The following THSD7B variants were observed in gnomAD, a reference collection of about 807,000 sequenced individuals.
The protein encoded by THSD7B is thrombospondin type 1 domain containing 7B, also known as thrombospondin type-1 domain-containing protein 7B.
In THSD7B, 138 loss-of-function variants were observed where a neutral mutation model predicts 213.6. The observed-to-expected ratio is 0.65, with a 90% CI of 0.56 to 0.74. The LOEUF (loss-of-function observed/expected upper bound fraction) is 0.74. THSD7B is among the 30% of genes least tolerant of loss of function. The probability of loss-of-function intolerance (pLI) is 0.00; values close to 1 mark genes in which losing one functional copy is unlikely to be tolerated. For synonymous variants in THSD7B, 742 were observed against 687.0 expected (o/e 1.08, Z -1.25); for missense variants, 1,931 against 1,991.5 (o/e 0.97, Z 0.58).
chr2:137,373,049 A>G (rs1685567977), intron 12 of THSD7B, among the ~76,000 whole-genome samples: 2 of 151,996 alleles, frequency 1.3e-5, no homozygotes, highest in African/African-American at 4.8e-5. Flanking sequence ...ATGGCTGCAT[A>G]GTATTCCATG....
intron 12 of THSD7B, among the ~76,000 whole-genome samples, chr2:137,358,724 A>G (rs1453294): frequency 0.87 from 132,218 of 152,166 alleles, 59,372 homozygotes; most frequent in Non-Finnish European, 0.98. Flanking sequence ...GTCAGATGCC[A>G]TATCTTATAC....
At chr2:136,803,009 G>A (rs1386913706) in intron 1 of THSD7B, among the ~76,000 whole-genome samples, 1 of 151,770 alleles carries the variant, frequency 6.6e-6, no homozygotes, top group Non-Finnish European at 1.5e-5. Flanking sequence ...AAAATTATAA[G>A]CCATGGTGTA....
intron 15 of THSD7B, among the ~76,000 whole-genome samples, chr2:137,504,568 A>G (rs1345090878): frequency 6.6e-6 from 1 of 152,236 alleles, no homozygotes; most frequent in East Asian, 1.9e-4. Context: ...GATTATTGAC[A>G]TAATACAAAT....
intron 20 of THSD7B, among the ~76,000 whole-genome samples, chr2:137,625,270 A>C (rs1028017272): frequency 3.5e-5 from 5 of 144,740 alleles, no homozygotes; most frequent in Admixed American, 1.5e-4. Flanking sequence ...GTGGGAATTG[A>C]ACAATGAAAA....
intron 15 of THSD7B, among the ~76,000 whole-genome samples, chr2:137,508,199 A>T (rs970039090): frequency 3.9e-5 from 6 of 151,944 alleles, no homozygotes; most frequent in Non-Finnish European, 7.4e-5. Context: ...GTCCACTTGT[A>T]TTTACTTTTT....
chr2:136,897,666 C>G (rs1252221369), intron 2 of THSD7B, among the ~76,000 whole-genome samples: 1 of 152,230 alleles, frequency 6.6e-6, no homozygotes, highest in African/African-American at 2.4e-5. Context: ...CCTTATTTGA[C>G]CCTGGCTATG....
At chr2:137,238,564 T>TTTTTTTTTTTTTC (rs1553481982) in intron 9 of THSD7B, among the ~76,000 whole-genome samples, 1 of 83,408 alleles carries the variant, frequency 1.2e-5, no homozygotes, top group Admixed American at 1.4e-4. Flanking sequence ...TTTTTTTTTT[T>TTTTTTTTTTTTTC]GAGACGGAGT....
At chr2:136,780,231 T>TG (rs1681713835) in intron 1 of THSD7B, among the ~76,000 whole-genome samples, 3 of 152,160 alleles carry the variant, frequency 2.0e-5, no homozygotes, top group African/African-American at 7.2e-5. Context: ...GGTGCCTCAT[T>TG]GCTGTGTTCT....
intron 2 of THSD7B, among the ~76,000 whole-genome samples, chr2:136,971,835 A>AGATAGGG (rs1408355605): frequency 6.6e-6 from 1 of 152,130 alleles, no homozygotes; most frequent in Non-Finnish European, 1.5e-5. Flanking sequence ...AGAAGTTTCG[A>AGATAGGG]GATAGGGAAG....
chr2:137,413,828 C>T (rs933150302), intron 14 of THSD7B, among the ~76,000 whole-genome samples: 2 of 152,054 alleles, frequency 1.3e-5, no homozygotes, highest in African/African-American at 4.8e-5. Context: ...TGACTACTGT[C>T]TACAGACTGA....
intron 3 of THSD7B, among the ~76,000 whole-genome samples, chr2:137,074,695 A>G (rs535942222): frequency 2.0e-5 from 3 of 152,200 alleles, no homozygotes; most frequent in African/African-American, 4.8e-5. Context: ...GGTCTTTACA[A>G]TTTGGCATGT....
At chr2:137,429,868 G>A (rs1687136413) in intron 14 of THSD7B, among the ~76,000 whole-genome samples, 1 of 152,104 alleles carries the variant, frequency 6.6e-6, no homozygotes, top group Non-Finnish European at 1.5e-5. Context: ...TTCTGAATTT[G>A]AGTAAAGTTT....
chr2:137,141,942 A>G (rs1406148641), intron 5 of THSD7B, among the ~76,000 whole-genome samples: 1 of 152,134 alleles, frequency 6.6e-6, no homozygotes, highest in African/African-American at 2.4e-5. Context: ...AGATCAAGCC[A>G]TTGGTTTATT....
intron 17 of THSD7B, among the ~76,000 whole-genome samples, chr2:137,601,602 T>G (rs1402137772): frequency 6.6e-6 from 1 of 152,232 alleles, no homozygotes; most frequent in Non-Finnish European, 1.5e-5. Context: ...GATGGATTTC[T>G]CAGAACATAT....
intron 2 of THSD7B, among the ~76,000 whole-genome samples, chr2:136,952,026 C>A (rs995746721): frequency 6.6e-6 from 1 of 151,998 alleles, no homozygotes; most frequent in Non-Finnish European, 1.5e-5. Context: ...CGCACCATCA[C>A]GCCCAGCTAA....
At chr2:137,110,466 T>C (rs1025105439) in intron 4 of THSD7B, among the ~76,000 whole-genome samples, 2 of 152,166 alleles carry the variant, frequency 1.3e-5, no homozygotes, top group Non-Finnish European at 2.9e-5. Flanking sequence ...CATCCAGTAT[T>C]TGAGTTATTA....
intron 1 of THSD7B, among the ~76,000 whole-genome samples, chr2:136,862,334 C>T (rs1046920712): frequency 6.6e-6 from 1 of 152,132 alleles, no homozygotes; most frequent in East Asian, 1.9e-4. Flanking sequence ...AGCTCTATGT[C>T]CAGGATCCTA....
chr2:137,530,667 G>T lies in THSD7B; in HGVS notation c.3139-32554G>T, dbSNP rs77304468. Among the ~76,000 whole-genome samples the T allele has an allele frequency of 2.6e-5, 4 of 152,072 alleles. No individual in the cohort carries two copies. In the East Asian group the frequency reaches 7.8e-4, roughly 30 times the overall value. On this transcript the variant is annotated intron_variant, in intron 15 of 27. Coordinates refer to ENST00000409968, the MANE Select transcript of THSD7B (RefSeq NM_001316349.2). Reference sequence around the variant, plus strand: ...TGCTAAAGGGGCAGTGTTATGGGGTGTTCTGGGGATAGCTGTCATAGGCTT... The same window carrying T: ...TGCTAAAGGGGCAGTGTTATGGGGTTTTCTGGGGATAGCTGTCATAGGCTT...
rs368130908 is a variant in THSD7B, at chr2:137,056,600, A to T, written c.320A>T (p.Glu107Val). 1.1e-5 allele frequency: 18 copies of T among 1,613,740 alleles called. No homozygotes were observed. In the African/African-American group the frequency reaches 1.6e-4, roughly 14 times the overall value. Residue 107 changes from glutamate (E) to valine (V), a missense_variant, in exon 3 of 28, where the codon GAG becomes GTG. Coordinates refer to ENST00000409968, the MANE Select transcript of THSD7B (RefSeq NM_001316349.2). The part of the protein sequence containing the change: ...CDWHSDLFQW[E>V]VSDWHHCVLV... ...TGGCACAGTGACCTCTTTCAGTGGG[A>T]GGTTTCTGACTGGCACCACTGTGTG...
Sources: gnomAD v4.1 joint callset for allele counts (sites outside exome capture counted in the v4.1 genomes callset) on GRCh38, gnomAD v4.1.1 for gene constraint, MANE v1.5 for transcripts, NCBI Gene and HGNC (gene_info 2026-07-23, HGNC 2026-07-21) for gene names.